Variants in RPGR observed in about 807,000 individuals in gnomAD.
RPGR encodes the protein retinitis pigmentosa GTPase regulator.
In RPGR, 10 loss-of-function variants were observed where a neutral mutation model predicts 56.3. The observed-to-expected ratio is 0.18, with a 90% CI of 0.11 to 0.30. RPGR has a LOEUF of 0.30. RPGR is among the 10% of genes least tolerant of loss of function. The pLI is 1.00. For synonymous variants in RPGR, 197 were observed against 212.9 expected (o/e 0.93, Z 0.65); for missense variants, 538 against 590.9 (o/e 0.91, Z 0.93).
At chrX:38,282,620 C>A (rs2067052408) in intron 15 of RPGR, among the ~76,000 whole-genome samples, 1 of 111,943 alleles carries the variant, frequency 8.9e-6, no homozygotes, top group Non-Finnish European at 1.9e-5. Context: ...CTGAATAGTA[C>A]TCTTTCTACT....
intron 15 of RPGR, chrX:38,286,902 C>T (rs1480093353): frequency 8.3e-7 from 1 of 1,207,750 alleles, no homozygotes; most frequent in South Asian, 1.8e-5. Context: ...TCCATTCTTC[C>T]TTCTCTGCTA....
At position 38,306,172 on chromosome X, in the gene RPGR, T is replaced by C. The variant is rs180953654; in HGVS notation, c.779-1382A>G. On this transcript the variant is annotated intron_variant, in intron 7 of 18. Transcript: ENST00000642395. ...AGTTTTGTACTTTGAGTTTAGTACA[T>C]TGAGTTTCTCCTATTACAGCAGGAA... Among the ~76,000 whole-genome samples, 11 of 111,880 alleles carry C rather than the reference T, an allele frequency of 9.8e-5. No individual in the cohort carries two copies. In the East Asian group the frequency reaches 1.1e-3, roughly 11 times the overall value.
Position 38,287,105 on chromosome X carries a change from C to G in RPGR, c.1894G>C (p.Asp632His), listed in dbSNP as rs771440674. ...TTGCCTTCACTCACCTCTGCTTTGT[C>G]TGTAAGGTCATCTGATAGGATCTCT... The change falls in exon 15 of 19, where the codon GAC becomes CAC. Residue 632 changes from aspartate (D) to histidine (H), a missense_variant. Coordinates refer to ENST00000642395, the MANE Select transcript of RPGR (RefSeq NM_000328.3). 1 of 1,211,323 alleles carries G rather than the reference C, an allele frequency of 8.3e-7. No homozygotes were observed. Among genetic ancestry groups the G allele is most frequent in the South Asian group, 1.8e-5 (1 of 56,968 alleles).
chrX:38,294,710 C>G (rs1354993741), intron 11 of RPGR, among the ~76,000 whole-genome samples: 1 of 112,449 alleles, frequency 8.9e-6, no homozygotes, highest in Admixed American at 9.4e-5. Flanking sequence ...TCAAATGTGT[C>G]AAGCTTCCTC....
intron 15 of RPGR, among the ~76,000 whole-genome samples, chrX:38,282,308 G>A (rs2067045961): frequency 9.1e-6 from 1 of 109,998 alleles, no homozygotes; most frequent in Non-Finnish European, 1.9e-5. Context: ...GGCTTGGGTG[G>A]TATCTCTCTT....
At chrX:38,280,453 G>T (rs965985345) in intron 15 of RPGR, among the ~76,000 whole-genome samples, 5 of 111,135 alleles carry the variant, frequency 4.5e-5, no homozygotes, top group Non-Finnish European at 7.5e-5. Context: ...ACTGGGGAGA[G>T]GGGTGCCAGC....
chrX:38,304,895 G>A, intron 7 of RPGR, 105 bp from the exon 8 acceptor site: 1 of 690,086 alleles, frequency 1.4e-6, no homozygotes, highest in Admixed American at 2.6e-5. Context: ...TGAAGGTTAA[G>A]TGCCTCTGGG....
chrX:38,324,229 G>A (rs756745949), intron 1 of RPGR, among the ~76,000 whole-genome samples: 1 of 111,511 alleles, frequency 9.0e-6, no homozygotes, highest in Non-Finnish European at 1.9e-5. Context: ...GACTATAGGC[G>A]TGTGCCACCA....
rs773408909 is a variant in RPGR at position 38,310,668 on chromosome X, G to A, written c.725C>T (p.Pro242Leu). 20 of 1,211,104 alleles carry A rather than the reference G, an allele frequency of 1.7e-5. No individual in the cohort carries two copies. The highest frequency in any genetic ancestry group is 2.0e-5 in the Non-Finnish European group (18 of 895,192). Residue 242 changes from proline (P) to leucine (L), a missense_variant, in exon 7 of 19, where the codon CCG becomes CTG. Pro to Leu is a moderately conservative substitution (Grantham distance 98). Transcript: ENST00000642395. ...ACAGGCTACTTGGATCACCTTCTCC[G>A]GAATTTCAGACACCAGCTGGGGTGT...
chrX:38,304,631 A>T lies in RPGR; in HGVS notation c.934+4T>A. The T allele has an allele frequency of 8.5e-7, 1 of 1,177,091 alleles. No homozygotes were observed. The highest frequency in any genetic ancestry group is 1.2e-6 in the Non-Finnish European group (1 of 864,475). ...AAATATATAACAGAAATTCTAATCCATACCTGTTATCAAAGCTGTGTGATT... is the reference window on the plus strand; with the variant it reads ...AAATATATAACAGAAATTCTAATCCTTACCTGTTATCAAAGCTGTGTGATT... On this transcript the variant is annotated splice_donor_region_variant and intron_variant, in intron 8 of 18. Transcript: ENST00000642395.
chrX:38,322,726 T>A, intron 3 of RPGR, 127 bp downstream of exon 3: 1 of 532,553 alleles, frequency 1.9e-6, no homozygotes, highest in Middle Eastern at 3.8e-4. Context: ...AGTTAAATGC[T>A]AATAATATTC....
chrX:38,323,564 A>G, intron 1 of RPGR, 40 bp from the exon 2 acceptor site: 1 of 1,189,425 alleles, frequency 8.4e-7, no homozygotes, highest in Non-Finnish European at 1.1e-6. Context: ...AACTTTTACT[A>G]TGTTGCCTGT....
chrX:38,305,087 C>T (rs181509802), intron 7 of RPGR, among the ~76,000 whole-genome samples: 36 of 111,598 alleles, frequency 3.2e-4, no homozygotes, highest in African/African-American at 1.1e-3. Context: ...CAGGGAACTA[C>T]CTGAAATGTC....
At chrX:38,301,479 A>T (rs1228487044) in intron 8 of RPGR, 108 bp from the exon 9 acceptor site, 14 of 737,041 alleles carry the variant, frequency 1.9e-5, no homozygotes, top group Non-Finnish European at 2.6e-5. Flanking sequence ...TATCCCCCTC[A>T]AATTCTGCCT....
At chrX:38,319,992 T>A (rs1235481696) in intron 4 of RPGR, among the ~76,000 whole-genome samples, 1 of 111,839 alleles carries the variant, frequency 8.9e-6, no homozygotes, top group Non-Finnish European at 1.9e-5. Context: ...AGACTAGCTT[T>A]CAAATGGAAA....
intron 11 of RPGR, among the ~76,000 whole-genome samples, chrX:38,292,637 G>A (rs1281649694): frequency 1.8e-5 from 2 of 111,925 alleles, no homozygotes; most frequent in East Asian, 2.8e-4. Context: ...ATTTTTTATC[G>A]TCTATATTTA....
At chrX:38,282,336 C>T (rs938385688) in intron 15 of RPGR, among the ~76,000 whole-genome samples, 3 of 110,580 alleles carry the variant, frequency 2.7e-5, no homozygotes, top group African/African-American at 9.9e-5. Context: ...AAGTATGCTC[C>T]CACACCTCCT....
chrX:38,309,096 C>G (rs1488406783), intron 7 of RPGR, among the ~76,000 whole-genome samples: 2 of 111,602 alleles, frequency 1.8e-5, no homozygotes, highest in Non-Finnish European at 3.8e-5. Flanking sequence ...CATTACTCAT[C>G]TAAAATAAAT....
chrX:38,272,834 A>G (rs1418299834), intron 18 of RPGR, among the ~76,000 whole-genome samples: 1 of 112,100 alleles, frequency 8.9e-6, no homozygotes, highest in Non-Finnish European at 1.9e-5. Context: ...ACAGAAACTA[A>G]AAGTTTTAAC....
Sources: allele counts gnomAD v4.1 joint callset (sites outside exome capture counted in the v4.1 genomes callset), GRCh38; gene constraint gnomAD v4.1.1; transcripts MANE v1.5; gene names NCBI Gene and HGNC (gene_info 2026-07-23, HGNC 2026-07-21).